The following SLC30A8 variants were observed in gnomAD, a reference collection of about 807,000 sequenced individuals.
SLC30A8 encodes solute carrier family 30 member 8, also known as proton-coupled zinc antiporter SLC30A8.
SLC30A8 carries 27 observed loss-of-function variants against 36.9 expected under a neutral mutation model. The ratio of observed to expected loss-of-function variants is 0.73; its 90% CI spans 0.54 to 1.01. SLC30A8 has a LOEUF of 1.01. Ranked by LOEUF, SLC30A8 falls within the 50% of genes least tolerant of loss-of-function variation. The pLI, the probability that SLC30A8 is intolerant of heterozygous loss-of-function variation, is 0.00. For synonymous variants in SLC30A8, 164 were observed against 172.4 expected (o/e 0.95, Z 0.38); for missense variants, 439 against 452.0 (o/e 0.97, Z 0.26).
chr8:117,127,872 T>C (rs1424879814), intron 2 of SLC30A8, among the ~76,000 whole-genome samples: 5 of 152,080 alleles, frequency 3.3e-5, no homozygotes, highest in Middle Eastern at 3.2e-3. Flanking sequence ...GGATAAAATG[T>C]TGGCAATGCT....
intron 1 of SLC30A8, among the ~76,000 whole-genome samples, chr8:116,965,903 A>G (rs1343089438): frequency 2.3e-5 from 3 of 131,206 alleles, no homozygotes; most frequent in Non-Finnish European, 4.7e-5. Flanking sequence ...TTTTTTTTGG[A>G]GATGGAGTCT....
At chr8:117,106,423 T>A (rs1819997803) in intron 2 of SLC30A8, among the ~76,000 whole-genome samples, 1 of 152,214 alleles carries the variant, frequency 6.6e-6, no homozygotes, top group Admixed American at 6.5e-5. Flanking sequence ...TGTACCAACC[T>A]AATACATTAT....
chr8:116,955,459 G>A (rs564944326), intron 1 of SLC30A8, among the ~76,000 whole-genome samples: 7 of 152,236 alleles, frequency 4.6e-5, no homozygotes, highest in Admixed American at 2.0e-4. Flanking sequence ...GCCGGGTGCG[G>A]TGGCTCACAC....
At chr8:116,975,326 T>C (rs963957793) in intron 1 of SLC30A8, among the ~76,000 whole-genome samples, 3 of 151,964 alleles carry the variant, frequency 2.0e-5, no homozygotes, top group African/African-American at 7.3e-5. Context: ...AAAAATAAAC[T>C]GTGTTTATTT....
At chr8:117,114,853 G>A (rs1158748699) in intron 2 of SLC30A8, among the ~76,000 whole-genome samples, 5 of 152,068 alleles carry the variant, frequency 3.3e-5, no homozygotes. Flanking sequence ...TTATACTTTA[G>A]GCTCTGTAAG....
At chr8:117,102,070 G>C (rs115564537) in intron 2 of SLC30A8, among the ~76,000 whole-genome samples, 1,766 of 152,180 alleles carry the variant, frequency 0.012, 31 homozygotes, top group African/African-American at 0.041. Context: ...TTTCATGCTA[G>C]ATTCCAACTT....
intron 2 of SLC30A8, among the ~76,000 whole-genome samples, chr8:117,120,819 AG>A (rs1186537954): frequency 1.3e-5 from 2 of 151,932 alleles, no homozygotes; most frequent in African/African-American, 4.8e-5. Flanking sequence ...AAAGGGGCAA[AG>A]GGCTTGAACA....
intron 2 of SLC30A8, among the ~76,000 whole-genome samples, chr8:117,059,725 T>C (rs2130783931): frequency 6.6e-6 from 1 of 152,288 alleles, no homozygotes; most frequent in South Asian, 2.1e-4. Context: ...TAAAGTTACT[T>C]GAGTGGCAGG....
upstream of SLC30A8, among the ~76,000 whole-genome samples, chr8:117,132,607 G>A (rs186041622): frequency 1.6e-4 from 25 of 152,106 alleles, no homozygotes; most frequent in East Asian, 4.9e-3. Context: ...TTTGATCCAA[G>A]TTGCTTTCCA....
At chr8:116,978,133 T>G (rs771103490) in intron 1 of SLC30A8, among the ~76,000 whole-genome samples, 2 of 152,106 alleles carry the variant, frequency 1.3e-5, no homozygotes, top group East Asian at 3.8e-4. Flanking sequence ...CAAACCAGTA[T>G]AGCCTAGTCT....
chr8:116,985,010 C>T (rs557263809), intron 1 of SLC30A8, among the ~76,000 whole-genome samples: 8 of 151,942 alleles, frequency 5.3e-5, no homozygotes, highest in African/African-American at 1.7e-4. Context: ...ATTTGTTGGT[C>T]TTTATATTTA....
chr8:117,054,517 C>T (rs1817807898), intron 2 of SLC30A8, among the ~76,000 whole-genome samples: 1 of 152,090 alleles, frequency 6.6e-6, no homozygotes, highest in Non-Finnish European at 1.5e-5. Context: ...CAGTTTGTCA[C>T]CATCAATGTG....
chr8:117,025,835 C>G (rs937146801), intron 1 of SLC30A8, among the ~76,000 whole-genome samples: 1 of 152,144 alleles, frequency 6.6e-6, no homozygotes, highest in Non-Finnish European at 1.5e-5. Context: ...ATGCTGAATA[C>G]CTGATGATGG....
At chr8:117,049,124 G>C (rs1237948168) in intron 2 of SLC30A8, among the ~76,000 whole-genome samples, 59 of 152,154 alleles carry the variant, frequency 3.9e-4, no homozygotes, top group Non-Finnish European at 1.5e-4. Flanking sequence ...TAAACTAGAA[G>C]TTACTAAGCA....
In SLC30A8 at chr8:117,157,807, A is replaced by G. The variant is rs1822574726; in HGVS notation, c.535A>G (p.Ile179Val). The change falls in exon 4 of 8, where the codon ATC becomes GTC. Residue 179 changes from isoleucine to valine, a missense_variant. By Grantham distance (29) the Ile-to-Val change is conservative (BLOSUM62 3). Coordinates refer to ENST00000456015, the MANE Select transcript of SLC30A8 (RefSeq NM_173851.3). Reference protein sequence around the residue: ...PDYQIQATVMIIVSSCAVAAN... With the variant: ...PDYQIQATVMVIVSSCAVAAN... The stretch of plus-strand genomic sequence containing the variant: ...TTACCAGATCCAGGCGACTGTGATG[A>G]TCATCGTTTCCAGCTGCGCAGTGGC... The G allele has an allele frequency of 6.2e-6, 10 of 1,614,080 alleles. No homozygotes were observed. The highest frequency in any genetic ancestry group is 8.5e-6 in the Non-Finnish European group (10 of 1,180,012).
intron 2 of SLC30A8, among the ~76,000 whole-genome samples, chr8:117,040,264 G>A (rs1406523992): frequency 6.6e-6 from 1 of 152,192 alleles, no homozygotes; most frequent in Non-Finnish European, 1.5e-5. Flanking sequence ...TCATAGTTTA[G>A]TGAGTTTAAT....
At chr8:117,067,759 A>G (rs771990691) in intron 2 of SLC30A8, among the ~76,000 whole-genome samples, 4 of 152,198 alleles carry the variant, frequency 2.6e-5, no homozygotes, top group Admixed American at 2.6e-4. Context: ...ATTAATAACT[A>G]TCTCCTGTTC....
chr8:117,007,423 A>G (rs1307210571), intron 1 of SLC30A8, among the ~76,000 whole-genome samples: 1 of 152,114 alleles, frequency 6.6e-6, no homozygotes, highest in East Asian at 1.9e-4. Flanking sequence ...GTAAACTGAG[A>G]TTTTAGAATT....
At chr8:117,172,423 C>A in intron 7 of SLC30A8, 113 bp from the exon 8 acceptor site, 1 of 1,430,996 alleles carries the variant, frequency 7.0e-7, no homozygotes, top group Non-Finnish European at 9.8e-7. Context: ...TCTGAGTGCC[C>A]TGCCTCTGCC....
Sources: gnomAD v4.1 joint callset for allele counts (sites outside exome capture counted in the v4.1 genomes callset) on GRCh38, gnomAD v4.1.1 for gene constraint, MANE v1.5 for transcripts, NCBI Gene and HGNC (gene_info 2026-07-23, HGNC 2026-07-21) for gene names.